The following GALNT18 variants were observed in gnomAD, a reference collection of about 807,000 sequenced individuals.
GALNT18 encodes the protein polypeptide N-acetylgalactosaminyltransferase 18.
A neutral mutation model predicts 69.5 loss-of-function variants in GALNT18; 44 were observed. The observed-to-expected ratio is 0.63, with a 90% CI of 0.50 to 0.81. The LOEUF (loss-of-function observed/expected upper bound fraction) is 0.81. Among genes scored for constraint, GALNT18 ranks in the 40% least tolerant of loss-of-function variants. The pLI, the probability that GALNT18 is intolerant of heterozygous loss-of-function variation, is 0.00. For missense variants in GALNT18, 715 were observed against 810.0 expected, an observed-to-expected ratio of 0.88 and a Z score of 1.42; for synonymous variants, 364 against 318.2, an observed-to-expected ratio of 1.14 and a Z score of -1.53.
In GALNT18 at chr11:11,592,442, G is replaced by A. The variant is rs1488132050; in HGVS notation, c.235+28917C>T. On this transcript the variant is annotated intron_variant, in intron 1 of 10. Coordinates refer to ENST00000227756, the MANE Select transcript of GALNT18 (RefSeq NM_198516.3). The surrounding 1 kb of genome is among the most constrained non-coding windows in gnomAD (Gnocchi z 5.9). ...CCCGCAACTGTCCTCCACTTTCCAG[G>A]CAAATAATACCTCCAGCCAAATAAG... Among the ~76,000 whole-genome samples, 2 of 152,064 alleles carry A rather than the reference G, an allele frequency of 1.3e-5. No individual in the cohort carries two copies. Among genetic ancestry groups the A allele is most frequent in the African/African-American group, 2.4e-5 (1 of 41,384 alleles).
chr11:11,585,785 C>A (rs1307086510), intron 1 of GALNT18, among the ~76,000 whole-genome samples: 1 of 148,724 alleles, frequency 6.7e-6, no homozygotes, highest in Non-Finnish European at 1.5e-5. Context: ...GAAAACAAGG[C>A]CACTCTTCTC....
In GALNT18 at chr11:11,620,292, G is replaced by A. The variant is rs1860156078; in HGVS notation, c.235+1067C>T. Among the ~76,000 whole-genome samples, 1 of 147,394 alleles carries A rather than the reference G, an allele frequency of 6.8e-6. No homozygotes were observed. The highest frequency in any genetic ancestry group is 2.5e-5 in the African/African-American group (1 of 39,716). ...CACCTGGAAGAAAGCAGGGGGCGCG[G>A]GGAGGGGAGGAAGTGTGGACGTGAG... On this transcript the variant is annotated intron_variant, in intron 1 of 10. Coordinates refer to ENST00000227756, the MANE Select transcript of GALNT18 (RefSeq NM_198516.3). This position sits in a 1 kb window ranked among gnomAD's most constrained non-coding sequence, Gnocchi z 6.9.
intron 9 of GALNT18, among the ~76,000 whole-genome samples, chr11:11,302,388 C>A (rs944888687): frequency 2.6e-5 from 4 of 152,140 alleles, no homozygotes; most frequent in Admixed American, 1.3e-4. Flanking sequence ...CCAGGGCTTG[C>A]AAACTCTCCT....
chr11:11,398,628 A>T (rs1854388665), intron 3 of GALNT18, among the ~76,000 whole-genome samples: 1 of 152,206 alleles, frequency 6.6e-6, no homozygotes, highest in Non-Finnish European at 1.5e-5. Flanking sequence ...TGATCCCAAG[A>T]AGCTCCAGTT....
At chr11:11,479,373 T>C (rs187677781) in intron 1 of GALNT18, among the ~76,000 whole-genome samples, 27 of 152,298 alleles carry the variant, frequency 1.8e-4, no homozygotes, top group Middle Eastern at 3.4e-3. Flanking sequence ...ATAGAAAATA[T>C]AAGGCAGCCA....
chr11:11,328,119 C>G (rs1008654987), intron 8 of GALNT18, among the ~76,000 whole-genome samples: 1 of 152,072 alleles, frequency 6.6e-6, no homozygotes. Context: ...CAGAGAAAGT[C>G]AGTTGTGATC....
At chr11:11,329,123 T>C (rs1350633646) in intron 8 of GALNT18, among the ~76,000 whole-genome samples, 2 of 152,046 alleles carry the variant, frequency 1.3e-5, no homozygotes, top group Non-Finnish European at 2.9e-5. Context: ...CCCTCTAAAA[T>C]AGGAATAATA....
At chr11:11,437,286 T>A (rs960256279) in intron 2 of GALNT18, among the ~76,000 whole-genome samples, 1 of 152,210 alleles carries the variant, frequency 6.6e-6, no homozygotes, top group Non-Finnish European at 1.5e-5. Context: ...ACCTCCCTTT[T>A]TACTTTTATT....
intron 1 of GALNT18, among the ~76,000 whole-genome samples, chr11:11,534,906 T>A (rs1004544084): frequency 6.6e-6 from 1 of 152,244 alleles, no homozygotes; most frequent in African/African-American, 2.4e-5. Flanking sequence ...AGTCTGCTCA[T>A]GTCCCCTGCA....
chr11:11,520,224 C>T (rs1187824216), intron 1 of GALNT18, among the ~76,000 whole-genome samples: 1 of 152,254 alleles, frequency 6.6e-6, no homozygotes, highest in Non-Finnish European at 1.5e-5. Flanking sequence ...CAAAAGAACA[C>T]CATGAGGGAG....
In GALNT18 at chr11:11,546,157, C is replaced by A. The variant is rs1030287205; in HGVS notation, c.235+75202G>T. 7.2e-5 allele frequency among the ~76,000 whole-genome samples: 11 copies of A among 152,080 alleles called. No individual in the cohort carries two copies. In the East Asian group the frequency reaches 1.7e-3, roughly 24 times the overall value. Reference sequence around the variant, plus strand: ...GGTATCCCTGAGAAGGCTTACAAGCCCAAAGTGAGCCAGTTGTTTGAGCTA... The same window carrying A: ...GGTATCCCTGAGAAGGCTTACAAGCACAAAGTGAGCCAGTTGTTTGAGCTA... On this transcript the variant is annotated intron_variant, in intron 1 of 10. Coordinates refer to ENST00000227756, the MANE Select transcript of GALNT18 (RefSeq NM_198516.3). This position sits in a 1 kb window ranked among gnomAD's most constrained non-coding sequence, Gnocchi z 5.8.
intron 1 of GALNT18, among the ~76,000 whole-genome samples, chr11:11,537,320 T>C (rs1440751237): frequency 6.6e-6 from 1 of 151,818 alleles, no homozygotes; most frequent in Non-Finnish European, 1.5e-5. Context: ...GATAAATATA[T>C]TGCTTTACCT....
chr11:11,573,452 A>G lies in GALNT18; in HGVS notation c.235+47907T>C, dbSNP rs1301509701. ...AACTGAGCACTTACTTGGTGCCAGG[A>G]ACTTGCTCACAAACGATATTAAAAT... On this transcript the variant is annotated intron_variant, in intron 1 of 10. Transcript: ENST00000227756. This position sits in a 1 kb window ranked among gnomAD's most constrained non-coding sequence, Gnocchi z 4.6. 6.6e-6 allele frequency: 1 copy of G among 152,234 alleles called. No individual in the cohort carries two copies. Among genetic ancestry groups the G allele is most frequent in the Non-Finnish European group, 1.5e-5 (1 of 68,046 alleles). 9.4% of individuals were successfully genotyped at this position (152,234 alleles called of 1,614,324 possible). A position where few individuals can be genotyped will look rare whatever the true frequency, so the allele number is the denominator to read the frequency against.
chr11:11,301,751 T>A (rs960476288), intron 9 of GALNT18, among the ~76,000 whole-genome samples: 6 of 152,116 alleles, frequency 3.9e-5, no homozygotes, highest in African/African-American at 1.4e-4. Flanking sequence ...ACAAACACCC[T>A]CTTTGCCTCT....
chr11:11,485,336 G>C (rs543740006), intron 1 of GALNT18, among the ~76,000 whole-genome samples: 34 of 152,302 alleles, frequency 2.2e-4, no homozygotes, highest in Admixed American at 2.1e-3. Flanking sequence ...CTATAAATCA[G>C]AGATTCCTAT....
chr11:11,367,596 G>C (rs1161589739), intron 6 of GALNT18, among the ~76,000 whole-genome samples: 9 of 152,146 alleles, frequency 5.9e-5, no homozygotes, highest in Admixed American at 5.9e-4. Context: ...CACCACGGTG[G>C]GGCACTGGCT....
At position 11,617,407 on chromosome 11, in the gene GALNT18, G is replaced by A. The variant is rs1475104163; in HGVS notation, c.235+3952C>T. 6.6e-6 allele frequency among the ~76,000 whole-genome samples: 1 copy of A among 152,168 alleles called. No individual in the cohort carries two copies. The highest frequency in any genetic ancestry group is 1.5e-5 in the Non-Finnish European group (1 of 68,030). On this transcript the variant is annotated intron_variant, in intron 1 of 10. Coordinates refer to ENST00000227756, the MANE Select transcript of GALNT18 (RefSeq NM_198516.3). This position sits in a 1 kb window ranked among gnomAD's most constrained non-coding sequence, Gnocchi z 4.7. ...TCACCACTGTAATCACTTTCTCAGT[G>A]CAGTGTCTGGCACACATTAGGTCTC...
intron 9 of GALNT18, among the ~76,000 whole-genome samples, chr11:11,312,531 A>T (rs1293912218): frequency 6.6e-6 from 1 of 152,134 alleles, no homozygotes; most frequent in Non-Finnish European, 1.5e-5. Flanking sequence ...GAGGAGGAAG[A>T]GGAGGGGTTG....
chr11:11,540,453 T>C lies in GALNT18; in HGVS notation c.235+80906A>G, dbSNP rs1206383914. Among the ~76,000 whole-genome samples, 1 of 152,122 alleles carries C rather than the reference T, an allele frequency of 6.6e-6. No homozygotes were observed. The highest frequency in any genetic ancestry group is 1.5e-5 in the Non-Finnish European group (1 of 68,024). On this transcript the variant is annotated intron_variant, in intron 1 of 10. Transcript: ENST00000227756. This position sits in a 1 kb window ranked among gnomAD's most constrained non-coding sequence, Gnocchi z 4.6. ...GGCTGGCAGAGCTGCAGGTGATACC[T>C]TGCCAATAGGAGACACGGCTGTTCC... is the stretch of plus-strand genomic sequence containing the variant.
Sources: allele counts gnomAD v4.1 joint callset (sites outside exome capture counted in the v4.1 genomes callset), GRCh38; gene constraint gnomAD v4.1.1; non-coding constraint Gnocchi (gnomAD v3.1); transcripts MANE v1.5; gene names NCBI Gene and HGNC (gene_info 2026-07-23, HGNC 2026-07-21).